CDK12: variants seen among roughly 807,000 people sequenced by gnomAD.
CDK12 encodes cyclin dependent kinase 12.
Under a neutral mutation model 133.8 loss-of-function variants are expected in CDK12, and 17 were observed. That is an observed-to-expected ratio of 0.13 (90% confidence interval 0.09 to 0.19). The LOEUF is 0.19. Ranked by LOEUF, CDK12 falls within the 10% of genes least tolerant of loss-of-function variation. The probability of loss-of-function intolerance (pLI) is 1.00; values close to 1 mark genes in which losing one functional copy is unlikely to be tolerated. For synonymous variants in CDK12, 694 were observed against 683.6 expected (o/e 1.02, Z -0.24); for missense variants, 1,508 against 1,818.7 (o/e 0.83, Z 3.11).
rs920537113 is a variant in CDK12 at position 39,515,642 on chromosome 17, C to T, written c.2769-89C>T. 2.4e-5 allele frequency: 18 copies of T among 752,356 alleles called. 1 individual carries two copies. The highest frequency in any genetic ancestry group is 1.0e-4 in the Admixed American group (4 of 39,986). The allele number at this position is 752,356 out of a possible 1,614,324, so 46.6% of individuals were successfully genotyped here. A position where few individuals can be genotyped will look rare whatever the true frequency, so the allele number is the denominator to read the frequency against. On this transcript the variant is annotated intron_variant, in intron 8 of 13. Coordinates refer to ENST00000447079, the MANE Select transcript of CDK12 (RefSeq NM_016507.4). ...GGGGCTATTTATCTTGGTTGCAATC[C>T]GACATATCAATAATGTAAAAATTTT...
chr17:39,541,804 C>G (rs182357078), intron 1 of CDK12, among the ~76,000 whole-genome samples: 2 of 152,308 alleles, frequency 1.3e-5, no homozygotes, highest in Admixed American at 1.3e-4. Flanking sequence ...GTATCACTTC[C>G]TGATGGAATG....
chr17:39,565,095 C>T (rs2056522514), downstream of CDK12, among the ~76,000 whole-genome samples: 1 of 152,064 alleles, frequency 6.6e-6, no homozygotes, highest in African/African-American at 2.4e-5. Context: ...CTATGTCCCT[C>T]TCATATTTCT....
chr17:39,485,891 T>G (rs2051086148), intron 2 of CDK12, among the ~76,000 whole-genome samples: 1 of 151,884 alleles, frequency 6.6e-6, no homozygotes, highest in South Asian at 2.1e-4. Context: ...CAAAAAACCA[T>G]AGACTGAATT....
chr17:39,562,173 C>T (rs1406038031), intron 3 of CDK12, among the ~76,000 whole-genome samples: 1 of 152,036 alleles, frequency 6.6e-6, no homozygotes, highest in East Asian at 1.9e-4. Flanking sequence ...CTTCTGACCT[C>T]GTGATCCACC....
At chr17:39,493,880 C>A (rs1472282657) in intron 4 of CDK12, among the ~76,000 whole-genome samples, 1 of 151,772 alleles carries the variant, frequency 6.6e-6, no homozygotes, top group Non-Finnish European at 1.5e-5. Flanking sequence ...CCTGTAGTCC[C>A]AGCTACTCAG....
At chr17:39,463,629 A>G (rs1344047458) in intron 1 of CDK12, among the ~76,000 whole-genome samples, 3 of 152,040 alleles carry the variant, frequency 2.0e-5, no homozygotes, top group South Asian at 2.1e-4. Flanking sequence ...TTAATTATTT[A>G]CAAAAGATTC....
chr17:39,462,038 A>T lies in CDK12; in HGVS notation c.-34A>T. 1 of 1,575,680 alleles carries T rather than the reference A, an allele frequency of 6.3e-7. No homozygotes were observed. Among genetic ancestry groups the T allele is most frequent in the Non-Finnish European group, 8.7e-7 (1 of 1,152,612 alleles). On this transcript the variant is annotated 5_prime_UTR_variant, in exon 1 of 14. Coordinates refer to ENST00000447079, the MANE Select transcript of CDK12 (RefSeq NM_016507.4). Reference sequence around the variant, plus strand: ...GGGTTGCTTTTTGGAGTGCTGGGGAACTTTTTTCCCTTCTTCAGGTCAGGG... The same window carrying T: ...GGGTTGCTTTTTGGAGTGCTGGGGATCTTTTTTCCCTTCTTCAGGTCAGGG...
At position 39,462,428 on chromosome 17, in the gene CDK12, C is replaced by T. The variant is rs2144871039; in HGVS notation, c.357C>T (p.Ser119=). Residue 119 remains serine, a synonymous_variant, in exon 1 of 14, where the codon TCC becomes TCT. Transcript: ENST00000447079. ...ATCGTCACCACCAGCACAGGCGTTCCCGGGACTTACTAAAAGCTAAACAGA... is the reference window on the plus strand; with the variant it reads ...ATCGTCACCACCAGCACAGGCGTTCTCGGGACTTACTAAAAGCTAAACAGA... ...HKHRHHQHRR[S]RDLLKAKQTE... The T allele has an allele frequency of 1.2e-6, 2 of 1,614,092 alleles. No homozygotes were observed. Among genetic ancestry groups the T allele is most frequent in the Non-Finnish European group, 1.7e-6 (2 of 1,180,024 alleles).
chr17:39,521,714 C>T (rs2054180682), intron 11 of CDK12, among the ~76,000 whole-genome samples: 1 of 152,054 alleles, frequency 6.6e-6, no homozygotes. Flanking sequence ...CGCAGGCCAC[C>T]ACGCCCGACT....
At chr17:39,566,756 G>A (rs1234214663), downstream of CDK12, among the ~76,000 whole-genome samples, 4 of 152,130 alleles carry the variant, frequency 2.6e-5, no homozygotes, top group Admixed American at 2.6e-4. Flanking sequence ...CACTAGAAGG[G>A]GCTGAGAATT....
chr17:39,507,688 G>T (rs1035857368), intron 6 of CDK12, among the ~76,000 whole-genome samples: 1 of 152,154 alleles, frequency 6.6e-6, no homozygotes, highest in African/African-American at 2.4e-5. Context: ...ACTGATTTCT[G>T]TAACTATATA....
intron 13 of CDK12, 140 bp downstream of exon 13, chr17:39,526,456 C>G: frequency 1.1e-5 from 7 of 657,426 alleles, no homozygotes; most frequent in Non-Finnish European, 1.8e-5. Flanking sequence ...GAACATAGCA[C>G]CAAGTAATGT....
intron 2 of CDK12, among the ~76,000 whole-genome samples, chr17:39,490,296 G>A (rs1196419087): frequency 7.2e-5 from 11 of 151,838 alleles, no homozygotes; most frequent in Admixed American, 7.2e-4. Context: ...GAACCCAGGA[G>A]GCAGAGGTTG....
At chr17:39,516,853 C>T (rs994646830) in intron 9 of CDK12, among the ~76,000 whole-genome samples, 20 of 150,874 alleles carry the variant, frequency 1.3e-4, no homozygotes, top group Admixed American at 6.0e-4. Flanking sequence ...TTAGTAGAGA[C>T]GGGGTTTCAC....
chr17:39,470,577 A>G (rs1434539598), intron 1 of CDK12, among the ~76,000 whole-genome samples: 2 of 152,178 alleles, frequency 1.3e-5, no homozygotes, highest in East Asian at 3.8e-4. Context: ...TGTTACAGTT[A>G]ATGAGCCAAT....
chr17:39,465,733 C>T (rs557802418), intron 1 of CDK12, among the ~76,000 whole-genome samples: 2 of 152,136 alleles, frequency 1.3e-5, no homozygotes, highest in South Asian at 2.1e-4. Flanking sequence ...TCAGGTGATC[C>T]GCCAGCCTCG....
downstream of CDK12, among the ~76,000 whole-genome samples, chr17:39,566,061 T>C (rs2056563656): frequency 1.3e-5 from 2 of 152,244 alleles, no homozygotes; most frequent in Admixed American, 1.3e-4. Context: ...CTTGATCTTT[T>C]AAAGCCCTTG....
chr17:39,535,156 T>C (rs1408842703), downstream of CDK12: 2 of 152,196 alleles, frequency 1.3e-5, no homozygotes, highest in Non-Finnish European at 2.9e-5. Context: ...CTTTCATGGC[T>C]TAGAACACAG....
intron 9 of CDK12, among the ~76,000 whole-genome samples, chr17:39,516,846 G>A (rs912220608): frequency 6.6e-6 from 1 of 150,922 alleles, no homozygotes; most frequent in Non-Finnish European, 1.5e-5. Flanking sequence ...TGTATTTTTA[G>A]TAGAGACGGG....
Sources: allele counts gnomAD v4.1 joint callset (sites outside exome capture counted in the v4.1 genomes callset), GRCh38; gene constraint gnomAD v4.1.1; transcripts MANE v1.5; gene names NCBI Gene and HGNC (gene_info 2026-07-23, HGNC 2026-07-21).